GRM8: variants seen among roughly 807,000 people sequenced by gnomAD.
The protein encoded by GRM8 is metabotropic glutamate receptor 8.
GRM8 carries 47 observed loss-of-function variants against 87.2 expected under a neutral mutation model. The ratio of observed to expected loss-of-function variants is 0.54; its 90% CI spans 0.43 to 0.69. The LOEUF (loss-of-function observed/expected upper bound fraction) is 0.69. GRM8 is among the 30% of genes least tolerant of loss of function. The pLI is 0.00. For missense variants in GRM8, 1,019 were observed against 1,139.2 expected, an observed-to-expected ratio of 0.89 and a Z score of 1.52; for synonymous variants, 396 against 404.5, an observed-to-expected ratio of 0.98 and a Z score of 0.25.
intron 8 of GRM8, among the ~76,000 whole-genome samples, chr7:126,554,601 T>C (rs1179308793): frequency 6.6e-6 from 1 of 151,396 alleles, no homozygotes; most frequent in East Asian, 1.9e-4. Flanking sequence ...TCAAAAAAAC[T>C]AAAATTAAAA....
intron 2 of GRM8, among the ~76,000 whole-genome samples, chr7:127,129,248 T>A (rs1827544470): frequency 6.6e-6 from 1 of 152,158 alleles, no homozygotes; most frequent in Admixed American, 6.5e-5. Context: ...AGTTGAGGTA[T>A]AAACAAGACT....
intron 2 of GRM8, among the ~76,000 whole-genome samples, chr7:127,152,227 A>G (rs117370463): frequency 3.3e-3 from 506 of 152,206 alleles, no homozygotes; most frequent in Non-Finnish European, 5.5e-3. Context: ...GAGCAAGTTC[A>G]TTAACCTCTT....
intron 2 of GRM8, among the ~76,000 whole-genome samples, chr7:127,236,305 C>G (rs901681036): frequency 2.6e-5 from 4 of 152,222 alleles, no homozygotes; most frequent in African/African-American, 9.6e-5. Context: ...CCTTCTTTCT[C>G]CGCTTCTCCC....
intron 6 of GRM8, among the ~76,000 whole-genome samples, chr7:126,806,823 C>G (rs1328331052): frequency 6.6e-6 from 1 of 152,184 alleles, no homozygotes; most frequent in Non-Finnish European, 1.5e-5. Context: ...GGAGCCCGCG[C>G]CTACCCGGAA....
intron 2 of GRM8, among the ~76,000 whole-genome samples, chr7:127,145,032 C>T (rs1389702259): frequency 6.6e-6 from 1 of 152,086 alleles, no homozygotes; most frequent in Non-Finnish European, 1.5e-5. Flanking sequence ...AGGTAGAAGA[C>T]ATTGTCATGG....
chr7:126,847,614 T>TC (rs1472594547), intron 6 of GRM8, among the ~76,000 whole-genome samples: 3 of 152,160 alleles, frequency 2.0e-5, no homozygotes, highest in African/African-American at 7.2e-5. Flanking sequence ...ACATGATTTC[T>TC]CCTACATGGT....
chr7:126,668,960 A>T (rs1321702499), intron 7 of GRM8, among the ~76,000 whole-genome samples: 2 of 152,200 alleles, frequency 1.3e-5, no homozygotes, highest in African/African-American at 4.8e-5. Flanking sequence ...AATGTAACAC[A>T]TATATACCAT....
chr7:126,562,126 T>TA (rs1290824810), intron 8 of GRM8, among the ~76,000 whole-genome samples: 1 of 152,114 alleles, frequency 6.6e-6, no homozygotes, highest in Non-Finnish European at 1.5e-5. Context: ...AGGGTGAATA[T>TA]AAAAAATTAG....
chr7:126,978,553 G>A (rs1811228110), intron 3 of GRM8, among the ~76,000 whole-genome samples: 1 of 152,204 alleles, frequency 6.6e-6, no homozygotes, highest in Admixed American at 6.5e-5. Context: ...GTACCTTGGT[G>A]TCAAAGTCCT....
chr7:127,092,173 T>C (rs1344709339), intron 3 of GRM8, among the ~76,000 whole-genome samples: 1 of 151,760 alleles, frequency 6.6e-6, no homozygotes, highest in Non-Finnish European at 1.5e-5. Flanking sequence ...CTCCCTACCC[T>C]ATATAATGGA....
intron 3 of GRM8, among the ~76,000 whole-genome samples, chr7:127,053,347 C>T (rs927108063): frequency 3.9e-5 from 6 of 152,174 alleles, no homozygotes; most frequent in African/African-American, 1.4e-4. Flanking sequence ...ATTGATCTGG[C>T]ATTGTGGCCA....
chr7:126,534,016 C>T (rs1815281333), intron 8 of GRM8, 129 bp from the exon 9 acceptor site: 4 of 688,216 alleles, frequency 5.8e-6, no homozygotes, highest in South Asian at 2.0e-5. Flanking sequence ...ATAAGAGTCT[C>T]GTTTTTTTTC....
At chr7:126,642,638 T>TAA (rs72431558) in intron 7 of GRM8, among the ~76,000 whole-genome samples, 1 of 151,420 alleles carries the variant, frequency 6.6e-6, no homozygotes, top group Non-Finnish European at 1.5e-5. Flanking sequence ...AGACTCCATC[T>TAA]AAAAAAAATA....
rs367572749 is a variant in GRM8 at position 126,533,741 on chromosome 7, C to T, written c.1641G>A (p.Gln547=). The T allele has an allele frequency of 5.6e-5, 90 of 1,613,960 alleles. No homozygotes were observed. Among genetic ancestry groups the T allele is most frequent in the Non-Finnish European group, 7.4e-5 (87 of 1,179,994 alleles). ...HCERCEGYNY[Q]VDELSCELCP... is the part of the protein sequence containing the mutation. The stretch of plus-strand genomic sequence containing the variant: ...AAAGTTCACAGGACAGCTCATCCAC[C>T]TGGTAGTTGTAACCTTCACAGCGTT... The change falls in exon 9 of 11, where the codon CAG becomes CAA. Residue 547 remains glutamine, a synonymous_variant. Coordinates refer to ENST00000339582, the MANE Select transcript of GRM8 (RefSeq NM_000845.3).
At chr7:126,882,371 T>C (rs1163319763) in intron 6 of GRM8, among the ~76,000 whole-genome samples, 4 of 152,138 alleles carry the variant, frequency 2.6e-5, no homozygotes, top group Non-Finnish European at 5.9e-5. Context: ...AAATATAACA[T>C]GAACAAATAC....
chr7:126,913,833 C>T (rs1803574929), intron 3 of GRM8, among the ~76,000 whole-genome samples: 1 of 152,212 alleles, frequency 6.6e-6, no homozygotes, highest in Non-Finnish European at 1.5e-5. Context: ...AGTTTATCAG[C>T]TTAAAGTGTA....
chr7:126,501,674 G>A (rs1339892078), intron 9 of GRM8, among the ~76,000 whole-genome samples: 2 of 152,008 alleles, frequency 1.3e-5, no homozygotes, highest in Admixed American at 1.3e-4. Flanking sequence ...GGCCGGACAA[G>A]TTCTAGAGAC....
chr7:126,859,589 C>CA (rs891475471), intron 6 of GRM8, among the ~76,000 whole-genome samples: 32 of 152,150 alleles, frequency 2.1e-4, no homozygotes, highest in African/African-American at 7.2e-4. Flanking sequence ...GTTTAAGAGC[C>CA]AGTGCATGCT....
intron 2 of GRM8, among the ~76,000 whole-genome samples, chr7:127,213,591 C>G (rs979854840): frequency 1.3e-5 from 2 of 152,164 alleles, no homozygotes; most frequent in African/African-American, 4.8e-5. Context: ...TAAATTGGGT[C>G]TTCTAATTTT....
Sources: allele counts gnomAD v4.1 joint callset (sites outside exome capture counted in the v4.1 genomes callset), GRCh38; gene constraint gnomAD v4.1.1; transcripts MANE v1.5; gene names NCBI Gene and HGNC (gene_info 2026-07-23, HGNC 2026-07-21).